Variants in NCK2 observed in about 807,000 individuals in gnomAD.
NCK2 encodes the protein cytoplasmic protein NCK2.
In NCK2, 16 loss-of-function variants were observed where a neutral mutation model predicts 33.9. The ratio of observed to expected loss-of-function variants is 0.47; its 90% CI spans 0.32 to 0.72. NCK2 has a LOEUF of 0.72. Ranked by LOEUF, NCK2 falls within the 30% of genes least tolerant of loss-of-function variation. The probability of loss-of-function intolerance (pLI) is 0.03; values close to 1 mark genes in which losing one functional copy is unlikely to be tolerated. For missense variants in NCK2, 418 were observed against 537.3 expected (o/e 0.78, Z 2.19); for synonymous variants, 273 against 239.9 (o/e 1.14, Z -1.27).
intron 4 of NCK2, among the ~76,000 whole-genome samples, chr2:105,892,735 A>G (rs1406088043): frequency 1.3e-5 from 2 of 151,760 alleles, no homozygotes; most frequent in Admixed American, 6.6e-5. Context: ...AATCCCAGGT[A>G]CTCGGGAGGC....
chr2:105,796,594 G>C (rs1573604036), intron 1 of NCK2, among the ~76,000 whole-genome samples: 1 of 152,190 alleles, frequency 6.6e-6, no homozygotes, highest in East Asian at 1.9e-4. Context: ...GAGCCTGGGA[G>C]CTGGAAGGCT....
intron 1 of NCK2, among the ~76,000 whole-genome samples, chr2:105,764,359 C>T (rs1343335570): frequency 6.6e-6 from 1 of 152,258 alleles, no homozygotes; most frequent in Non-Finnish European, 1.5e-5. Flanking sequence ...ATGCTTCCTT[C>T]TGCAGGGCTG....
At chr2:105,787,944 A>C (rs1690740512) in intron 1 of NCK2, among the ~76,000 whole-genome samples, 1 of 150,872 alleles carries the variant, frequency 6.6e-6, no homozygotes, top group African/African-American at 2.5e-5. Context: ...CCATTGGCAG[A>C]AGTGAGTAGA....
At position 105,881,910 on chromosome 2, in the gene NCK2, G is replaced by C. The variant is rs751920917; in HGVS notation, c.809G>C (p.Ser270Thr). Residue 270 changes from serine to threonine, a missense_variant, in exon 4 of 5, where the codon AGC becomes ACC. Coordinates refer to ENST00000233154, the MANE Select transcript of NCK2 (RefSeq NM_003581.5). ...CACCCTGCGCACGCCCCACAGATAA[G>C]CTACACCGGGCCCTCGTCCAGCGGG... Reference protein sequence around the residue: ...ALHPAHAPQISYTGPSSSGRF... With the variant: ...ALHPAHAPQITYTGPSSSGRF... The C allele has an allele frequency of 6.4e-7, 1 of 1,565,728 alleles. No homozygotes were observed. The highest frequency in any genetic ancestry group is 1.2e-5 in the South Asian group (1 of 82,798).
intron 1 of NCK2, among the ~76,000 whole-genome samples, chr2:105,776,224 A>G (rs1331094078): frequency 1.3e-5 from 2 of 152,208 alleles, no homozygotes; most frequent in African/African-American, 2.4e-5. Context: ...GGGACACCCC[A>G]ACTTCCGTCC....
rs117970405 is a variant in NCK2, at chr2:105,881,374, C to T, written c.273C>T (p.Pro91=). ...RRKTSARDAS[P]TPSTDAEYPA... Reference sequence around the variant, plus strand: ...AGACCAGCGCGCGGGATGCGTCCCCCACGCCCAGCACGGACGCCGAGTACC... The same window carrying T: ...AGACCAGCGCGCGGGATGCGTCCCCTACGCCCAGCACGGACGCCGAGTACC... The change falls in exon 4 of 5, where the codon CCC becomes CCT. Residue 91 remains proline (P), a synonymous_variant. Transcript: ENST00000233154. The T allele has an allele frequency of 1.6e-4, 257 of 1,609,516 alleles. 1 individual carries two copies. The East Asian group carries it at 4.4e-3, about 28-fold the overall frequency.
At chr2:105,862,189 G>T (rs996685385) in intron 3 of NCK2, among the ~76,000 whole-genome samples, 5 of 152,148 alleles carry the variant, frequency 3.3e-5, no homozygotes, top group African/African-American at 1.2e-4. Context: ...CAGTGGTAAA[G>T]ACTCTAGAAT....
intron 1 of NCK2, among the ~76,000 whole-genome samples, chr2:105,790,872 C>T (rs990832398): frequency 1.2e-4 from 19 of 152,104 alleles, no homozygotes; most frequent in African/African-American, 4.1e-4. Flanking sequence ...CAGGTCAGCC[C>T]GAGGCAAGGG....
chr2:105,791,420 C>T (rs551088501), intron 1 of NCK2, among the ~76,000 whole-genome samples: 2 of 152,256 alleles, frequency 1.3e-5, no homozygotes, highest in African/African-American at 2.4e-5. Context: ...GGAGGATATA[C>T]GGTGTAAAGT....
At chr2:105,748,128 A>G (rs1342716771) in intron 1 of NCK2, among the ~76,000 whole-genome samples, 1 of 152,170 alleles carries the variant, frequency 6.6e-6, no homozygotes, top group Non-Finnish European at 1.5e-5. Context: ...AATGAAAGTT[A>G]TTTTGATTGA....
At chr2:105,748,167 G>A (rs1333388680) in intron 1 of NCK2, among the ~76,000 whole-genome samples, 1 of 152,144 alleles carries the variant, frequency 6.6e-6, no homozygotes, top group Non-Finnish European at 1.5e-5. Context: ...ATGTCATACG[G>A]TGTCACTGTC....
chr2:105,869,169 G>A (rs1244621520), intron 3 of NCK2, among the ~76,000 whole-genome samples: 2 of 152,182 alleles, frequency 1.3e-5, no homozygotes, highest in Non-Finnish European at 2.9e-5. Context: ...GACCCTGAGA[G>A]CCGAAGTGAG....
intron 2 of NCK2, among the ~76,000 whole-genome samples, chr2:105,819,985 C>T (rs1361910517): frequency 2.0e-5 from 3 of 152,280 alleles, no homozygotes; most frequent in Non-Finnish European, 4.4e-5. Flanking sequence ...GGGACCCTGA[C>T]AGTTTGGGAC....
At chr2:105,789,852 T>A (rs1690815448) in intron 1 of NCK2, among the ~76,000 whole-genome samples, 1 of 152,176 alleles carries the variant, frequency 6.6e-6, no homozygotes, top group Admixed American at 6.5e-5. Flanking sequence ...AGTCCCCAGG[T>A]GATGCTGGTG....
chr2:105,853,580 T>C (rs185804771), intron 2 of NCK2, among the ~76,000 whole-genome samples: 50 of 152,342 alleles, frequency 3.3e-4, no homozygotes, highest in African/African-American at 1.2e-3. Flanking sequence ...ATTTTCTTAC[T>C]GTCTCCATAG....
intron 1 of NCK2, among the ~76,000 whole-genome samples, chr2:105,753,151 T>A (rs1689505877): frequency 1.3e-5 from 2 of 152,246 alleles, no homozygotes; most frequent in Non-Finnish European, 2.9e-5. Context: ...TATTATGGTG[T>A]AAGATTTGAG....
Position 105,830,643 on chromosome 2 carries a change from CTT to C in NCK2, c.-17+14032_-17+14033del, listed in dbSNP as rs568138143. On this transcript the variant is annotated intron_variant, in intron 2 of 4. Transcript: ENST00000233154. ...GCACCAATGGTAAATTAGTGTTCCTCTTTGTTTGCATCCTTGCCAGGAATTTG... is the reference window on the plus strand; with the variant it reads ...GCACCAATGGTAAATTAGTGTTCCTCTGTTTGCATCCTTGCCAGGAATTTG... Among the ~76,000 whole-genome samples, 216 of 148,286 alleles carry C rather than the reference CTT, an allele frequency of 1.5e-3. 1 individual carries two copies. Among genetic ancestry groups the C allele is most frequent in the African/African-American group, 4.5e-3 (179 of 39,746 alleles).
intron 2 of NCK2, chr2:105,854,512 GTTA>G (rs1210670091): frequency 6.6e-6 from 1 of 152,612 alleles, no homozygotes; most frequent in Non-Finnish European, 1.5e-5. Context: ...ATTATTTATT[GTTA>G]TTATTATTCT....
At chr2:105,776,325 AC>A (rs1409547962) in intron 1 of NCK2, among the ~76,000 whole-genome samples, 1 of 152,242 alleles carries the variant, frequency 6.6e-6, no homozygotes, top group Admixed American at 6.5e-5. Context: ...AAATATCTTA[AC>A]ATTTCAACAT....
Sources: allele counts gnomAD v4.1 joint callset (sites outside exome capture counted in the v4.1 genomes callset), GRCh38; gene constraint gnomAD v4.1.1; transcripts MANE v1.5; gene names NCBI Gene and HGNC (gene_info 2026-07-23, HGNC 2026-07-21).